LATS2: variants seen among roughly 807,000 people sequenced by gnomAD.
LATS2 encodes the protein serine/threonine-protein kinase LATS2.
In LATS2, 24 loss-of-function variants were observed where a neutral mutation model predicts 76.0. The observed-to-expected ratio is 0.32, with a 90% CI of 0.23 to 0.44. The LOEUF is 0.44. Ranked by LOEUF, LATS2 falls within the 20% of genes least tolerant of loss-of-function variation. The probability of loss-of-function intolerance (pLI) is 1.00; values close to 1 mark genes in which losing one functional copy is unlikely to be tolerated. For synonymous variants in LATS2, 692 were observed against 635.4 expected, an observed-to-expected ratio of 1.09 and a Z score of -1.34; for missense variants, 1,286 against 1,481.2, an observed-to-expected ratio of 0.87 and a Z score of 2.16.
intron 3 of LATS2, among the ~76,000 whole-genome samples, chr13:20,990,682 T>C (rs1595218501): frequency 1.3e-5 from 2 of 152,084 alleles, no homozygotes; most frequent in South Asian, 4.2e-4. Context: ...CCCAGGGGCC[T>C]CAGGTACCAA....
rs184532318 is a variant in LATS2, at chr13:21,012,675, C to T, written c.343-21271G>A. Among the ~76,000 whole-genome samples the T allele has an allele frequency of 5.9e-5, 9 of 152,002 alleles. No individual in the cohort carries two copies. In the East Asian group the frequency reaches 1.6e-3, roughly 26 times the overall value. On this transcript the variant is annotated intron_variant, in intron 2 of 7. Coordinates refer to ENST00000382592, the MANE Select transcript of LATS2 (RefSeq NM_014572.3). ...GGATGGTAAACAAGTATGGTATAAG[C>T]GCTTTGCAGATTTTTTAAGGGAACG...
intron 2 of LATS2, among the ~76,000 whole-genome samples, chr13:20,997,427 G>A (rs1049498874): frequency 2.6e-5 from 4 of 152,334 alleles, no homozygotes; most frequent in Admixed American, 1.3e-4. Context: ...ACAAAACGGC[G>A]AGGTGGCTGA....
chr13:20,990,475 TTTTTTTTTTTTTA>T (rs1398637623), intron 3 of LATS2, among the ~76,000 whole-genome samples: 3 of 140,130 alleles, frequency 2.1e-5, no homozygotes, highest in African/African-American at 5.4e-5. Flanking sequence ...TTTTTTTTTT[TTTTTTTTTTTTTA>T]AATACAGACG....
intron 4 of LATS2, among the ~76,000 whole-genome samples, chr13:20,985,000 C>G (rs530501410): frequency 6.6e-6 from 1 of 152,132 alleles, no homozygotes; most frequent in Admixed American, 6.6e-5. Context: ...AATAAGTCCA[C>G]GTATTTACAG....
intron 6 of LATS2, among the ~76,000 whole-genome samples, chr13:20,980,838 G>A (rs1169588750): frequency 6.6e-6 from 1 of 152,158 alleles, no homozygotes; most frequent in East Asian, 1.9e-4. Flanking sequence ...CCTGTCTCTG[G>A]ATTAATTACA....
At chr13:20,979,398 T>G (rs1869769970) in intron 7 of LATS2, among the ~76,000 whole-genome samples, 1 of 152,072 alleles carries the variant, frequency 6.6e-6, no homozygotes, top group Non-Finnish European at 1.5e-5. Context: ...GCAGCACACC[T>G]TTGCTGATCC....
intron 1 of LATS2, among the ~76,000 whole-genome samples, chr13:21,059,377 C>A (rs957641514): frequency 1.3e-5 from 2 of 151,908 alleles, no homozygotes; most frequent in East Asian, 3.9e-4. Context: ...GCGGGCGGAT[C>A]ACAAGGTCAG....
At chr13:21,021,657 C>T (rs745496081) in intron 2 of LATS2, among the ~76,000 whole-genome samples, 56 of 152,272 alleles carry the variant, frequency 3.7e-4, no homozygotes, top group Non-Finnish European at 6.0e-4. Context: ...TGGTCAGCAG[C>T]TTAATTTTTG....
At chr13:21,005,805 A>ATT (rs55779457) in intron 2 of LATS2, 87,954 of 126,094 alleles carry the variant, frequency 0.7, 31,324 homozygotes, top group East Asian at 0.85. Context: ...CCCCTACTCT[A>ATT]TAAAAAAAAA....
In LATS2 at chr13:20,988,911, G is replaced by T. The variant is rs1015389884; in HGVS notation, c.869C>A (p.Pro290His). 1 of 1,527,112 alleles carries T rather than the reference G, an allele frequency of 6.5e-7. No homozygotes were observed. Among genetic ancestry groups the T allele is most frequent in the Admixed American group, 2.0e-5 (1 of 49,212 alleles). 94.6% of individuals were successfully genotyped at this position (1,527,112 alleles called of 1,614,324 possible). ...TGGCGGTCCTCCCTGGCCCTTCGTG[G>T]GCAGGCTGGCGTAACCCCCGGTCTC... ...PPETGGYASL[P>H]TKGQGGPPGA... Residue 290 changes from proline to histidine, a missense_variant, in exon 4 of 8, where the codon CCC becomes CAC. Transcript: ENST00000382592.
At chr13:20,998,648 C>A (rs643284) in intron 2 of LATS2, among the ~76,000 whole-genome samples, 3 of 152,246 alleles carry the variant, frequency 2.0e-5, no homozygotes, top group Non-Finnish European at 2.9e-5. Flanking sequence ...CGGGCCCAGG[C>A]CTCCTCTAAC....
rs181074147 is a variant in LATS2, at chr13:21,027,695, A to T, written c.342+17990T>A. On this transcript the variant is annotated intron_variant, in intron 2 of 7. Coordinates refer to ENST00000382592, the MANE Select transcript of LATS2 (RefSeq NM_014572.3). ...GTTTTGAAAGTAAGGTAGTTTAAGG[A>T]CTCTACCTGTGTTCTTTTTTAAAAC... Among the ~76,000 whole-genome samples, 157 of 151,854 alleles carry T rather than the reference A, an allele frequency of 1.0e-3. 1 individual carries two copies. The highest frequency in any genetic ancestry group is 8.4e-4 in the Non-Finnish European group (57 of 67,934).
chr13:21,020,447 A>G (rs1429911277), intron 2 of LATS2, among the ~76,000 whole-genome samples: 3 of 152,228 alleles, frequency 2.0e-5, no homozygotes, highest in Non-Finnish European at 2.9e-5. Context: ...TTTACCCAGG[A>G]AAGTTAGGCC....
intron 2 of LATS2, among the ~76,000 whole-genome samples, chr13:21,003,444 CTTT>C (rs60233146): frequency 2.1e-5 from 3 of 142,584 alleles, no homozygotes; most frequent in Non-Finnish European, 1.5e-5. Flanking sequence ...CTTTTTTTTC[CTTT>C]TTTTTTTTTT....
At chr13:21,022,155 T>A (rs1436337824) in intron 2 of LATS2, among the ~76,000 whole-genome samples, 2 of 152,134 alleles carry the variant, frequency 1.3e-5, no homozygotes. Context: ...TTCTAACAGA[T>A]GTGTATGTAT....
chr13:20,990,488 A>ATT (rs1565946345), intron 3 of LATS2, among the ~76,000 whole-genome samples: 1 of 120,750 alleles, frequency 8.3e-6, no homozygotes, highest in Non-Finnish European at 1.6e-5. Context: ...TTTTTTTTTT[A>ATT]AATACAGACG....
rs140521770 is a variant in LATS2, at chr13:20,983,411, C to T, written c.2295G>A (p.Glu765=). Residue 765 remains glutamate (E), a synonymous_variant, in exon 5 of 8, where the codon GAG becomes GAA. Transcript: ENST00000382592. ...CTGCGATGTAGAACCGGGCCAGGTG[C>T]TCAGGGAAGACCTCCATCCGGATCA... ...SLLIRMEVFP[E]HLARFYIAEL... is the part of the protein sequence containing the mutation. 14 of 1,613,950 alleles carry T rather than the reference C, an allele frequency of 8.7e-6. No individual in the cohort carries two copies. In the South Asian group the frequency reaches 1.2e-4, roughly 14 times the overall value.
intron 2 of LATS2, among the ~76,000 whole-genome samples, chr13:20,993,399 C>CG (rs1870594823): frequency 1.3e-5 from 2 of 152,142 alleles, no homozygotes; most frequent in Non-Finnish European, 2.9e-5. Context: ...CAGTCCTGGC[C>CG]ATATGCCAGC....
intron 1 of LATS2, among the ~76,000 whole-genome samples, chr13:21,056,182 G>T (rs1873442995): frequency 6.6e-6 from 1 of 152,052 alleles, no homozygotes; most frequent in Non-Finnish European, 1.5e-5. Flanking sequence ...GGTTGCCCAG[G>T]CTGGAGTGCA....
Sources: allele counts gnomAD v4.1 joint callset (sites outside exome capture counted in the v4.1 genomes callset), GRCh38; gene constraint gnomAD v4.1.1; transcripts MANE v1.5; gene names NCBI Gene and HGNC (gene_info 2026-07-23, HGNC 2026-07-21).